ADPRH: variants seen among roughly 807,000 people sequenced by gnomAD.
ADPRH encodes the protein ADP-ribose-L-arginine cleaving enzyme.
Under a neutral mutation model 28.8 loss-of-function variants are expected in ADPRH, and 27 were observed. The observed-to-expected ratio is 0.94, with a 90% CI of 0.69 to 1.29. ADPRH has a LOEUF of 1.29. Among genes scored for constraint, ADPRH ranks in the 50% most tolerant of loss-of-function variants. The pLI, the probability that ADPRH is intolerant of heterozygous loss-of-function variation, is 0.00. For synonymous variants in ADPRH, 161 were observed against 166.9 expected, an observed-to-expected ratio of 0.96 and a Z score of 0.27; for missense variants, 419 against 444.8, an observed-to-expected ratio of 0.94 and a Z score of 0.52.
At chr3:119,581,686 C>T (rs2082405764) in intron 2 of ADPRH, among the ~76,000 whole-genome samples, 1 of 152,212 alleles carries the variant, frequency 6.6e-6, no homozygotes, top group South Asian at 2.1e-4. Context: ...GTGAACTACA[C>T]ATTGTGACAC....
chr3:119,583,159 G>C (rs1051516770), intron 3 of ADPRH, among the ~76,000 whole-genome samples: 1 of 152,136 alleles, frequency 6.6e-6, no homozygotes, highest in Non-Finnish European at 1.5e-5. Context: ...AGCCCGGGAG[G>C]TTGAGGCTAC....
intron 3 of ADPRH, among the ~76,000 whole-genome samples, chr3:119,584,183 T>C (rs1313553115): frequency 6.6e-6 from 1 of 152,076 alleles, no homozygotes; most frequent in Non-Finnish European, 1.5e-5. Flanking sequence ...GATGGGAGTA[T>C]TTATAGTTTT....
At chr3:119,584,115 C>A (rs1417457589) in intron 3 of ADPRH, among the ~76,000 whole-genome samples, 1 of 151,792 alleles carries the variant, frequency 6.6e-6, no homozygotes, top group Non-Finnish European at 1.5e-5. Context: ...ATATGTATTT[C>A]TGTGTTGAGA....
At chr3:119,585,355 C>T (rs768299960) in intron 3 of ADPRH, among the ~76,000 whole-genome samples, 1 of 152,144 alleles carries the variant, frequency 6.6e-6, no homozygotes, top group Non-Finnish European at 1.5e-5. Context: ...TAGGACAGGT[C>T]GGGGGACAAG....
At chr3:119,582,834 C>A (rs1248932419) in intron 3 of ADPRH, among the ~76,000 whole-genome samples, 2 of 152,202 alleles carry the variant, frequency 1.3e-5, no homozygotes, top group African/African-American at 4.8e-5. Flanking sequence ...TGAGCTCTGC[C>A]TCCATCAGAT....
intron 4 of ADPRH, 26 bp from the exon 5 acceptor site, chr3:119,587,438 G>T: frequency 1.4e-6 from 2 of 1,469,316 alleles, no homozygotes; most frequent in South Asian, 1.6e-5. Context: ...TTTTTCAATT[G>T]ACTCTAGATT....
chr3:119,588,181 T>C lies in ADPRH; in HGVS notation c.*303T>C, dbSNP rs184212508. 8.3e-5 allele frequency: 19 copies of C among 229,560 alleles called. No homozygotes were observed. The East Asian group carries it at 1.6e-3, about 19-fold the overall frequency. The allele number at this position is 229,560 out of a possible 1,614,324, so 14.2% of individuals were successfully genotyped here. A position where few individuals can be genotyped will look rare whatever the true frequency, so the allele number is the denominator to read the frequency against. On this transcript the variant is annotated 3_prime_UTR_variant, in exon 5 of 5. Coordinates refer to ENST00000357003, the MANE Select transcript of ADPRH (RefSeq NM_001125.4). Reference sequence around the variant, plus strand: ...CATCATCTACTTGTTCTAAAAGTTTTTTCTGTTTGTCTCAAGTTGGGTTCC... The same window carrying C: ...CATCATCTACTTGTTCTAAAAGTTTCTTCTGTTTGTCTCAAGTTGGGTTCC...
rs561909950 is a variant in ADPRH, at chr3:119,589,902, C to T, written c.*2024C>T. The T allele has an allele frequency of 1.3e-5, 2 of 152,220 alleles. No individual in the cohort carries two copies. Among genetic ancestry groups the T allele is most frequent in the South Asian group, 4.2e-4 (2 of 4,812 alleles). The allele number at this position is 152,220 out of a possible 1,614,324, so 9.4% of individuals were successfully genotyped here. A position where few individuals can be genotyped will look rare whatever the true frequency, so the allele number is the denominator to read the frequency against. On this transcript the variant is annotated 3_prime_UTR_variant, in exon 5 of 5. Transcript: ENST00000357003. ...ATGGGGGGAAGAGATAAACTTTATGCATAACATTAGGGTAAATCAATAAAG... is the reference window on the plus strand; with the variant it reads ...ATGGGGGGAAGAGATAAACTTTATGTATAACATTAGGGTAAATCAATAAAG...
At chr3:119,583,807 T>A (rs2082429395) in intron 3 of ADPRH, among the ~76,000 whole-genome samples, 1 of 152,152 alleles carries the variant, frequency 6.6e-6, no homozygotes, top group Admixed American at 6.5e-5. Context: ...AGATGGAGTC[T>A]CACTCTGTTG....
chr3:119,584,631 CCA>C (rs1380273129), intron 3 of ADPRH, among the ~76,000 whole-genome samples: 1 of 152,116 alleles, frequency 6.6e-6, no homozygotes, highest in Non-Finnish European at 1.5e-5. Context: ...TGGTTCTTGC[CCA>C]CTTCGGCAAC....
rs567076567 is a variant in ADPRH at position 119,582,555 on chromosome 3, A to G, written c.298+88A>G. ...TAAGAATGTTGATGGAGATTTAAAT[A>G]ACAGAGACAATAGTGTTTGTAAATG... On this transcript the variant is annotated intron_variant, in intron 3 of 4. Coordinates refer to ENST00000357003, the MANE Select transcript of ADPRH (RefSeq NM_001125.4). 2,490 of 1,359,950 alleles carry G rather than the reference A, an allele frequency of 1.8e-3. 6 individuals carry two copies. The highest frequency in any genetic ancestry group is 2.3e-3 in the Non-Finnish European group (2,298 of 987,288). 84.2% of individuals were successfully genotyped at this position (1,359,950 alleles called of 1,614,324 possible).
Position 119,582,406 on chromosome 3 carries a change from G to A in ADPRH, c.237G>A (p.Leu79=), listed in dbSNP as rs2082415500. 1.2e-6 allele frequency: 2 copies of A among 1,614,022 alleles called. No individual in the cohort carries two copies. The highest frequency in any genetic ancestry group is 1.3e-5 in the African/African-American group (1 of 75,054). ...EAGKAPKLTQ[L]YYLLAKHYQD... Reference sequence around the variant, plus strand: ...GGAAAGCCCCTAAGTTGACTCAACTGTATTACCTCCTTGCTAAGCATTACC... The same window carrying A: ...GGAAAGCCCCTAAGTTGACTCAACTATATTACCTCCTTGCTAAGCATTACC... The change falls in exon 3 of 5, where the codon CTG becomes CTA. Residue 79 remains leucine, a synonymous_variant. Transcript: ENST00000357003.
chr3:119,588,098 T>C lies in ADPRH; in HGVS notation c.*220T>C, dbSNP rs934827966. 2 of 417,588 alleles carry C rather than the reference T, an allele frequency of 4.8e-6. No homozygotes were observed. The highest frequency in any genetic ancestry group is 8.3e-6 in the Non-Finnish European group (2 of 241,744). The allele number at this position is 417,588 out of a possible 1,614,324, so 25.9% of individuals were successfully genotyped here. ...CTGAAGAGTCCTTTAGCTCAATTGATAGGGTCAGCGTCTCGCAAGCAAAAA... is the reference window on the plus strand; with the variant it reads ...CTGAAGAGTCCTTTAGCTCAATTGACAGGGTCAGCGTCTCGCAAGCAAAAA... On this transcript the variant is annotated 3_prime_UTR_variant, in exon 5 of 5. Transcript: ENST00000357003.
chr3:119,581,063 A>G (rs567928990), intron 2 of ADPRH, among the ~76,000 whole-genome samples: 16 of 135,962 alleles, frequency 1.2e-4, no homozygotes, highest in African/African-American at 4.7e-4. Context: ...CACTCTAAGA[A>G]CTTTTTTTTT....
chr3:119,579,988 G>T (rs1178579085), intron 1 of ADPRH, 137 bp downstream of exon 1: 1 of 152,338 alleles, frequency 6.6e-6, no homozygotes, highest in African/African-American at 2.4e-5. Context: ...CCAAAGCCGG[G>T]CATGGCCCGG....
Position 119,586,737 on chromosome 3 carries a change from A to G in ADPRH, c.659+92A>G, listed in dbSNP as rs948123577. On this transcript the variant is annotated intron_variant, in intron 4 of 4. Coordinates refer to ENST00000357003, the MANE Select transcript of ADPRH (RefSeq NM_001125.4). ...TATATGTCTTGTATTCAGAGATCAC[A>G]GCAACCCTCATGGTTTTCACCCCCA... 89 of 1,529,584 alleles carry G rather than the reference A, an allele frequency of 5.8e-5. No homozygotes were observed. In the Admixed American group the frequency reaches 1.9e-3, roughly 33 times the overall value. 94.8% of individuals were successfully genotyped at this position (1,529,584 alleles called of 1,614,324 possible).
chr3:119,586,171 T>G (rs2082456665), intron 3 of ADPRH, 114 bp from the exon 4 acceptor site: 1 of 1,483,776 alleles, frequency 6.7e-7, no homozygotes, highest in Non-Finnish European at 9.2e-7. Context: ...CATCATATTT[T>G]TTGGCTCTCC....
At chr3:119,583,664 C>A (rs879794289) in intron 3 of ADPRH, among the ~76,000 whole-genome samples, 1 of 152,110 alleles carries the variant, frequency 6.6e-6, no homozygotes, top group Non-Finnish European at 1.5e-5. Flanking sequence ...GTAATCCCAA[C>A]ACTGTGAAAG....
rs770998571 is a variant in ADPRH at position 119,587,848 on chromosome 3, G to A, written c.1044G>A (p.Gly348=). Residue 348 remains glycine, a synonymous_variant, in exon 5 of 5, where the codon GGG becomes GGA. Coordinates refer to ENST00000357003, the MANE Select transcript of ADPRH (RefSeq NM_001125.4). ...CAGCTAGGGCTTTATATTCTCTCGG[G>A]TCAAAAGAAGACACTGTAATTTCCC... ...EETARALYSL[G]SKEDTVISL The A allele has an allele frequency of 2.5e-6, 4 of 1,607,940 alleles. No homozygotes were observed.
Sources: gnomAD v4.1 joint callset for allele counts (sites outside exome capture counted in the v4.1 genomes callset) on GRCh38, gnomAD v4.1.1 for gene constraint, MANE v1.5 for transcripts, NCBI Gene and HGNC (gene_info 2026-07-23, HGNC 2026-07-21) for gene names.